Variants in HEPH observed in about 807,000 individuals in gnomAD.
The protein encoded by HEPH is hephaestin.
In HEPH, 69 loss-of-function variants were observed where a neutral mutation model predicts 80.8. That is an observed-to-expected ratio of 0.85 (90% CI 0.70 to 1.04). The LOEUF (loss-of-function observed/expected upper bound fraction) is 1.04. Ranked by LOEUF, HEPH falls within the 50% of genes least tolerant of loss-of-function variation. HEPH has a pLI of 0.00. For missense variants in HEPH, 1,115 were observed against 891.3 expected (o/e 1.25, Z -3.20); for synonymous variants, 431 against 322.8 (o/e 1.34, Z -3.60).
At chrX:66,253,548 G>A (rs776803498) in intron 15 of HEPH, among the ~76,000 whole-genome samples, 38 of 112,213 alleles carry the variant, frequency 3.4e-4, no homozygotes, top group Non-Finnish European at 7.0e-4. Context: ...GCTTTGGAAA[G>A]CAGTTTGGCA....
intron 15 of HEPH, among the ~76,000 whole-genome samples, chrX:66,226,491 T>C (rs1395635953): frequency 9.0e-6 from 1 of 111,428 alleles, no homozygotes; most frequent in Non-Finnish European, 1.9e-5. Context: ...ATACAAAAGA[T>C]AAATGAAATA....
rs1602218757 is a variant in HEPH at position 66,177,772 on chromosome X, T to A, written c.625+3971T>A. On this transcript the variant is annotated intron_variant, in intron 4 of 20. Transcript: ENST00000343002. Reference sequence around the variant, plus strand: ...TTCATCTCTAGGGTTTGGGTTTGGTTTGTTCTTGTTTCTCTAGTTCCTTGA... The same window carrying A: ...TTCATCTCTAGGGTTTGGGTTTGGTATGTTCTTGTTTCTCTAGTTCCTTGA... 2.7e-5 allele frequency among the ~76,000 whole-genome samples: 3 copies of A among 111,605 alleles called. No individual in the cohort carries two copies. The South Asian group carries it at 1.1e-3, about 42-fold the overall frequency.
chrX:66,186,804 T>G (rs1236584685), intron 4 of HEPH, among the ~76,000 whole-genome samples: 1 of 112,239 alleles, frequency 8.9e-6, no homozygotes, highest in Non-Finnish European at 1.9e-5. Flanking sequence ...CCCCTATTGC[T>G]CCTCCAAATA....
At position 66,197,749 on chromosome X, in the gene HEPH, C is replaced by A. The variant is rs901499902; in HGVS notation, c.1568C>A (p.Pro523His). 7 of 1,210,140 alleles carry A rather than the reference C, an allele frequency of 5.8e-6. No individual in the cohort carries two copies. The highest frequency in any genetic ancestry group is 7.8e-6 in the Non-Finnish European group (7 of 895,132). Reference protein sequence around the residue: ...EKVTYRWTVPPHAGPTAQDPA... With the variant: ...EKVTYRWTVPHHAGPTAQDPA... ...GTAACATACCGCTGGACAGTCCCCC[C>A]TCATGCCGGTCCCACTGCTCAGGAT... The change falls in exon 10 of 21, where the codon CCT becomes CAT. Residue 523 changes from proline to histidine, a missense_variant. Pro to His is a moderately conservative substitution (Grantham distance 77, BLOSUM62 -2). This residue lies in a region of HEPH where 716 missense variants were observed against 523.5 expected (regional missense o/e 1.37). Transcript: ENST00000343002.
chrX:66,255,583 A>G (rs1182674530), intron 16 of HEPH, among the ~76,000 whole-genome samples: 2 of 111,808 alleles, frequency 1.8e-5, no homozygotes, highest in Non-Finnish European at 3.8e-5. Flanking sequence ...ACAGCCAGCC[A>G]TTAGTAATCA....
At chrX:66,189,997 G>T (rs1381004721) in intron 6 of HEPH, 59 bp downstream of exon 6, 2 of 1,091,867 alleles carry the variant, frequency 1.8e-6, no homozygotes, top group Non-Finnish European at 2.4e-6. Context: ...AATGGTCAAG[G>T]GAGGCTGGGT....
intron 15 of HEPH, among the ~76,000 whole-genome samples, chrX:66,224,674 T>A (rs934303871): frequency 1.3e-4 from 15 of 112,399 alleles, no homozygotes; most frequent in Non-Finnish European, 2.8e-4. Flanking sequence ...CAGTGCTTTC[T>A]GGATATGCCC....
At chrX:66,222,923 A>T (rs1482437700) in intron 15 of HEPH, among the ~76,000 whole-genome samples, 1 of 112,070 alleles carries the variant, frequency 8.9e-6, no homozygotes, top group Non-Finnish European at 1.9e-5. Flanking sequence ...AATAGAATAG[A>T]TGAAAGAGTT....
intron 15 of HEPH, among the ~76,000 whole-genome samples, chrX:66,236,668 C>T (rs1483865790): frequency 9.0e-6 from 1 of 110,870 alleles, no homozygotes; most frequent in Non-Finnish European, 1.9e-5. Context: ...CATTTTTTTG[C>T]AATAGGTTTA....
rs1456888736 is a variant in HEPH at position 66,188,451 on chromosome X, C to A, written c.718C>A (p.His240Asn). The change falls in exon 5 of 21, where the codon CAT becomes AAT. Residue 240 changes from histidine (H) to asparagine (N), a missense_variant. Physicochemically the swap from His to Asn is moderately conservative, Grantham distance 68 (BLOSUM62 1). Coordinates refer to ENST00000343002, the MANE Select transcript of HEPH (RefSeq NM_001367233.3). Reference sequence around the variant, plus strand: ...TGTGGTAGATGAGAACCTCAGCTGGCATCTCAATGAGAACATTGCCACTTA... The same window carrying A: ...TGTGGTAGATGAGAACCTCAGCTGGAATCTCAATGAGAACATTGCCACTTA... ...FSVVDENLSW[H>N]LNENIATYCS... The A allele has an allele frequency of 8.3e-7, 1 of 1,207,129 alleles. No individual in the cohort carries two copies. The highest frequency in any genetic ancestry group is 3.0e-5 in the East Asian group (1 of 33,816).
chrX:66,195,778 G>T (rs1371006082), intron 9 of HEPH, among the ~76,000 whole-genome samples: 1 of 111,210 alleles, frequency 9.0e-6, no homozygotes, highest in Admixed American at 9.6e-5. Context: ...TTTGAATATT[G>T]TAAGTCAGGT....
chrX:66,217,843 G>A (rs757193898), intron 15 of HEPH, among the ~76,000 whole-genome samples: 1 of 111,801 alleles, frequency 8.9e-6, no homozygotes, highest in Non-Finnish European at 1.9e-5. Context: ...GGGGGAAAAA[G>A]ATATTCCATG....
chrX:66,197,707 C>T lies in HEPH; in HGVS notation c.1526C>T (p.Ala509Val). The T allele has an allele frequency of 8.3e-7, 1 of 1,211,510 alleles. No individual in the cohort carries two copies. The highest frequency in any genetic ancestry group is 1.8e-5 in the South Asian group (1 of 56,982). Reference protein sequence around the residue: ...NDGSSYPGLVAKPFEKVTYRW... With the variant: ...NDGSSYPGLVVKPFEKVTYRW... ...GGCTCATCTTACCCTGGCTTGGTTG[C>T]CAAGCCCTTTGAGAAAGTAACATAC... The change falls in exon 10 of 21, where the codon GCC becomes GTC. Residue 509 changes from alanine (A) to valine (V), a missense_variant. By Grantham distance (64) the Ala-to-Val change is moderately conservative. This residue lies in a region of HEPH where 716 missense variants were observed against 523.5 expected (regional missense o/e 1.37). Transcript: ENST00000343002.
chrX:66,173,542 G>A (rs1024066677), intron 3 of HEPH, 47 bp from the exon 4 acceptor site: 21 of 962,610 alleles, frequency 2.2e-5, no homozygotes, highest in Admixed American at 4.9e-5. Flanking sequence ...TATTTGCCAC[G>A]GTCCCTCACT....
At chrX:66,234,606 A>T (rs1267707065) in intron 15 of HEPH, among the ~76,000 whole-genome samples, 1 of 108,726 alleles carries the variant, frequency 9.2e-6, no homozygotes, top group African/African-American at 3.3e-5. Flanking sequence ...TTTAATAATA[A>T]CTGTATGGGT....
rs1318332177 is a variant in HEPH, at chrX:66,188,525, G to C, written c.792G>C (p.Glu264Asp). Residue 264 changes from glutamate (E) to aspartate (D), a missense_variant, in exon 5 of 21, where the codon GAG becomes GAC. Physicochemically the swap from Glu to Asp is conservative, Grantham distance 45. Around this residue, in one of 3 missense-constraint regions of HEPH, gnomAD observed 391 missense variants for 343.6 expected, o/e 1.14. Transcript: ENST00000343002. ...ACAAAGAAGATGAGACATTTCAGGA[G>C]AGCAATAGGATGCATGGTGAGTTGG... The part of the protein sequence containing the change: ...SVDKEDETFQ[E>D]SNRMHAINGF... The C allele has an allele frequency of 1.7e-6, 2 of 1,207,444 alleles. No homozygotes were observed. The highest frequency in any genetic ancestry group is 2.2e-6 in the Non-Finnish European group (2 of 893,258).
At chrX:66,189,301 C>T (rs1440845276) in intron 5 of HEPH, among the ~76,000 whole-genome samples, 1 of 112,404 alleles carries the variant, frequency 8.9e-6, no homozygotes, top group Non-Finnish European at 1.9e-5. Flanking sequence ...GCCAATTTGA[C>T]AATTGTCCTG....
intron 15 of HEPH, among the ~76,000 whole-genome samples, chrX:66,223,489 T>C (rs1407888866): frequency 8.9e-6 from 1 of 111,844 alleles, no homozygotes; most frequent in Non-Finnish European, 1.9e-5. Context: ...TAAAACTTTG[T>C]ATACGTATTT....
intron 2 of HEPH, chrX:66,171,001 C>T (rs2086572464): frequency 6.0e-6 from 2 of 332,061 alleles, no homozygotes; most frequent in East Asian, 1.2e-4. Context: ...ACCCACAATG[C>T]TTACTTATTT....
Sources: allele counts gnomAD v4.1 joint callset (sites outside exome capture counted in the v4.1 genomes callset), GRCh38; gene constraint gnomAD v4.1.1; regional missense constraint gnomAD v4.1.1; transcripts MANE v1.5; gene names NCBI Gene and HGNC (gene_info 2026-07-23, HGNC 2026-07-21).